EIF3B: variants seen among roughly 807,000 people sequenced by gnomAD.
The protein encoded by EIF3B is eukaryotic translation initiation factor 3 subunit 9.
In EIF3B, 10 loss-of-function variants were observed where a neutral mutation model predicts 104.6. That is an observed-to-expected ratio of 0.10 (90% CI 0.06 to 0.16). EIF3B has a LOEUF of 0.16. Ranked by LOEUF, EIF3B falls within the 10% of genes least tolerant of loss-of-function variation. The pLI, the probability that EIF3B is intolerant of heterozygous loss-of-function variation, is 1.00. For missense variants in EIF3B, 1,014 were observed against 1,087.9 expected (o/e 0.93, Z 0.96); for synonymous variants, 542 against 417.2 (o/e 1.30, Z -3.65).
intron 9 of EIF3B, among the ~76,000 whole-genome samples, chr7:2,367,824 AATTTTTTTTTTTTTTT>A (rs1646039064): frequency 2.0e-4 from 20 of 101,758 alleles, no homozygotes; most frequent in African/African-American, 8.2e-4. Context: ...CTTTTTTTAA[AATTTTTTTTTTTTTTT>A]TTTTTTTTTT....
rs1780924230 is a variant in EIF3B, at chr7:2,380,199, T to G, written c.*15-5T>G. The G allele has an allele frequency of 2.8e-6, 1 of 362,154 alleles. No homozygotes were observed. The highest frequency in any genetic ancestry group is 2.0e-5 in the South Asian group (1 of 49,038). 22.4% of individuals were successfully genotyped at this position (362,154 alleles called of 1,614,324 possible). A position where few individuals can be genotyped will look rare whatever the true frequency, so the allele number is the denominator to read the frequency against. ...CGTTTAGGGCCGCCATGCCTGTCTATCCAGGGGACGGACTCCGCCTGCTGT... is the reference window on the plus strand; with the variant it reads ...CGTTTAGGGCCGCCATGCCTGTCTAGCCAGGGGACGGACTCCGCCTGCTGT... On this transcript the variant is annotated splice_polypyrimidine_tract_variant and splice_region_variant and intron_variant, in intron 18 of 18. Transcript: ENST00000360876.
chr7:2,379,952 T>C (rs1458038667), intron 18 of EIF3B: 1 of 255,310 alleles, frequency 3.9e-6, no homozygotes, highest in Non-Finnish European at 7.8e-6. Flanking sequence ...AGCTCCTGAG[T>C]CCTGGGGGCC....
In EIF3B at chr7:2,372,975, T is replaced by C. The variant is rs1583174711; in HGVS notation, c.1810+180T>C. The C allele has an allele frequency of 1.6e-5, 8 of 505,040 alleles. No homozygotes were observed. The East Asian group carries it at 2.7e-4, about 17-fold the overall frequency. 31.3% of individuals were successfully genotyped at this position (505,040 alleles called of 1,614,324 possible). ...GCGATGGCCTGGAGGTGCCGCCTCCTTGCAGGGTGTCTCTCTGAGCCCCGT... is the reference window on the plus strand; with the variant it reads ...GCGATGGCCTGGAGGTGCCGCCTCCCTGCAGGGTGTCTCTCTGAGCCCCGT... On this transcript the variant is annotated intron_variant, in intron 12 of 18. Coordinates refer to ENST00000360876, the MANE Select transcript of EIF3B (RefSeq NM_001037283.2).
At chr7:2,365,444 G>T (rs1241278985) in intron 6 of EIF3B, among the ~76,000 whole-genome samples, 1 of 152,136 alleles carries the variant, frequency 6.6e-6, no homozygotes, top group African/African-American at 2.4e-5. Context: ...AGCTGGGGCC[G>T]CTCTGTTTTC....
intron 2 of EIF3B, among the ~76,000 whole-genome samples, chr7:2,361,926 A>C (rs996665325): frequency 6.6e-6 from 1 of 150,394 alleles, no homozygotes; most frequent in East Asian, 2.0e-4. Context: ...ACAGGCGCAC[A>C]CTACCACGCC....
chr7:2,379,939 G>A (rs1173189593), intron 18 of EIF3B: 4 of 260,010 alleles, frequency 1.5e-5, no homozygotes, highest in South Asian at 4.0e-5. Context: ...AGCAGAGTGC[G>A]GGAGCTCCTG....
At chr7:2,374,320 G>A (rs1357229300) in intron 12 of EIF3B, 5 of 492,368 alleles carry the variant, frequency 1.0e-5, no homozygotes, top group African/African-American at 3.8e-5. Context: ...TACCCCTGTC[G>A]CATCTTCTTT....
At chr7:2,361,774 G>GT (rs1423569816) in intron 2 of EIF3B, among the ~76,000 whole-genome samples, 3 of 151,040 alleles carry the variant, frequency 2.0e-5, no homozygotes, top group Non-Finnish European at 3.0e-5. Flanking sequence ...CTACTTTTAA[G>GT]TTTTTTTTGT....
In EIF3B at chr7:2,364,534, G is replaced by C. The variant is rs1172614251; in HGVS notation, c.1157+5G>C. The C allele has an allele frequency of 1.9e-6, 3 of 1,610,210 alleles. No homozygotes were observed. The Admixed American group carries it at 5.1e-5, about 27-fold the overall frequency. Reference sequence around the variant, plus strand: ...TGACTTCTCACCTTGTGAAAGGTAAGCTGCTAGAAAAACACAGGGGAGTCT... The same window carrying C: ...TGACTTCTCACCTTGTGAAAGGTAACCTGCTAGAAAAACACAGGGGAGTCT... On this transcript the variant is annotated splice_donor_5th_base_variant and intron_variant, in intron 6 of 18. Transcript: ENST00000360876.
chr7:2,379,864 G>A (rs936706577), intron 18 of EIF3B: 3 of 303,378 alleles, frequency 9.9e-6, no homozygotes, highest in Non-Finnish European at 1.9e-5. Flanking sequence ...AAACACTGGC[G>A]TGCACGGCTG....
chr7:2,359,708 G>C (rs569669060), intron 1 of EIF3B, among the ~76,000 whole-genome samples: 1 of 152,200 alleles, frequency 6.6e-6, no homozygotes, highest in Non-Finnish European at 1.5e-5. Flanking sequence ...CACTACTTGC[G>C]ACTGCCATCT....
In EIF3B at chr7:2,380,577, C is replaced by G; in HGVS notation, c.*388C>G. On this transcript the variant is annotated 3_prime_UTR_variant, in exon 19 of 19. Transcript: ENST00000360876. ...TGTTTCCACGGTGCCTGTACACAGC[C>G]GAGCAGCATTTCCGTTGAAGGACTT... 1 of 351,606 alleles carries G rather than the reference C, an allele frequency of 2.8e-6. No individual in the cohort carries two copies. Among genetic ancestry groups the G allele is most frequent in the Non-Finnish European group, 5.6e-6 (1 of 177,280 alleles). 21.8% of individuals were successfully genotyped at this position (351,606 alleles called of 1,614,324 possible).
chr7:2,379,116 C>G lies in EIF3B; in HGVS notation c.2233-18C>G. On this transcript the variant is annotated intron_variant, in intron 16 of 18. Transcript: ENST00000360876. ...ACTTGTCTTACCAGTTCTGTGCTTT[C>G]CCCAACCTCATGCATAGGAATTGGT... 3 of 1,611,000 alleles carry G rather than the reference C, an allele frequency of 1.9e-6. No individual in the cohort carries two copies. The South Asian group carries it at 3.3e-5, about 18-fold the overall frequency.
Position 2,366,387 on chromosome 7 carries a change from C to T in EIF3B, c.1228C>T (p.Leu410Phe). Reference protein sequence around the residue: ...DPQAIIIWDILTGHKKRGFHC... With the variant: ...DPQAIIIWDIFTGHKKRGFHC... The stretch of plus-strand genomic sequence containing the variant: ...TCAGGCCATAATCATCTGGGACATC[C>T]TTACGGGGCACAAGAAGAGGGGTTT... Residue 410 changes from leucine (L) to phenylalanine (F), a missense_variant, in exon 7 of 19, where the codon CTT becomes TTT. Physicochemically the swap from Leu to Phe is conservative, Grantham distance 22. This residue lies in a region of EIF3B where 201 missense variants were observed against 240.7 expected (regional missense o/e 0.83). Coordinates refer to ENST00000360876, the MANE Select transcript of EIF3B (RefSeq NM_001037283.2). The T allele has an allele frequency of 6.2e-7, 1 of 1,614,006 alleles. No homozygotes were observed. The highest frequency in any genetic ancestry group is 8.5e-7 in the Non-Finnish European group (1 of 1,179,988).
intron 1 of EIF3B, among the ~76,000 whole-genome samples, chr7:2,358,852 T>C (rs1207220157): frequency 6.6e-6 from 1 of 152,214 alleles, no homozygotes; most frequent in Non-Finnish European, 1.5e-5. Flanking sequence ...TGACACGTGA[T>C]GCTTTCCAGC....
chr7:2,363,970 T>C (rs1471133209), intron 5 of EIF3B, among the ~76,000 whole-genome samples: 1 of 152,166 alleles, frequency 6.6e-6, no homozygotes, highest in Non-Finnish European at 1.5e-5. Flanking sequence ...ACTTAAGAGT[T>C]TGCAGAATAG....
At chr7:2,364,647 A>G (rs528182402) in intron 6 of EIF3B, 118 bp downstream of exon 6, 1 of 925,636 alleles carries the variant, frequency 1.1e-6, no homozygotes, top group African/African-American at 1.7e-5. Flanking sequence ...GAGTATGCAG[A>G]ACGCTAATAA....
rs114265697 is a variant in EIF3B at position 2,375,732 on chromosome 7, C to T, written c.2028+205C>T. Among the ~76,000 whole-genome samples the T allele has an allele frequency of 3.3e-3, 504 of 152,290 alleles. 2 individuals carry two copies. The highest frequency in any genetic ancestry group is 0.011 in the African/African-American group (467 of 41,558). ...GCCGAGTGCAGGAGCAGCCCCTGCT[C>T]ATGGTTGCGGGGAGGTGGGGGGTCT... On this transcript the variant is annotated intron_variant, in intron 14 of 18. Coordinates refer to ENST00000360876, the MANE Select transcript of EIF3B (RefSeq NM_001037283.2).
chr7:2,369,708 C>T (rs1176583986), intron 10 of EIF3B, 26 bp downstream of exon 10: 6 of 1,596,674 alleles, frequency 3.8e-6, no homozygotes, highest in Admixed American at 3.4e-5. Context: ...CAGGAACTGA[C>T]GATTCCTTAT....
Sources: gnomAD v4.1 joint callset for allele counts (sites outside exome capture counted in the v4.1 genomes callset) on GRCh38, gnomAD v4.1.1 for gene constraint, gnomAD v4.1.1 regional missense constraint, MANE v1.5 for transcripts, NCBI Gene and HGNC (gene_info 2026-07-23, HGNC 2026-07-21) for gene names.